PMFBP1: variants seen among roughly 807,000 people sequenced by gnomAD.
The protein encoded by PMFBP1 is polyamine-modulated factor 1-binding protein 1.
In PMFBP1, 131 loss-of-function variants were observed where a neutral mutation model predicts 137.8. The observed-to-expected ratio is 0.95, with a 90% CI of 0.82 to 1.10. The LOEUF is 1.10. Ranked by LOEUF, PMFBP1 falls within the 50% of genes least tolerant of loss-of-function variation. The pLI, the probability that PMFBP1 is intolerant of heterozygous loss-of-function variation, is 0.00. For synonymous variants in PMFBP1, 490 were observed against 450.4 expected, an observed-to-expected ratio of 1.09 and a Z score of -1.11; for missense variants, 1,199 against 1,175.4, an observed-to-expected ratio of 1.02 and a Z score of -0.29.
intron 3 of PMFBP1, among the ~76,000 whole-genome samples, chr16:72,163,947 A>G (rs1207064138): frequency 2.0e-5 from 3 of 152,124 alleles, no homozygotes; most frequent in East Asian, 3.9e-4. Flanking sequence ...TGAGGGATAA[A>G]AGACTACAAA....
rs751500094 is a variant in PMFBP1 at position 72,139,327 on chromosome 16, G to A, written c.880C>T (p.Pro294Ser). The change falls in exon 7 of 21, where the codon CCT (proline) becomes TCT (serine). Residue 294 changes from proline to serine, a missense_variant. By Grantham distance (74) the Pro-to-Ser change is moderately conservative. Transcript: ENST00000237353. Reference sequence around the variant, plus strand: ...TCACACTCTTCTGAGGAGCTAGGAGGGTATCTGTGGGTGGCTGTACAGGAA... The same window carrying A: ...TCACACTCTTCTGAGGAGCTAGGAGAGTATCTGTGGGTGGCTGTACAGGAA... ...FASCTATHRY[P>S]PSSSEECEDI... is the part of the protein sequence containing the mutation. The A allele has an allele frequency of 1.2e-6, 2 of 1,613,976 alleles. No individual in the cohort carries two copies. The highest frequency in any genetic ancestry group is 1.3e-5 in the African/African-American group (1 of 74,922).
At chr16:72,232,104 T>G in the PMFBP1 span, among the ~76,000 whole-genome samples, 1 of 152,180 alleles carries the variant, frequency 6.6e-6, no homozygotes, top group Non-Finnish European at 1.5e-5. Context: ...AAGCCCTCAT[T>G]AGAGAATATA....
the PMFBP1 span, among the ~76,000 whole-genome samples, chr16:72,235,254 C>T: frequency 6.6e-6 from 1 of 152,026 alleles, no homozygotes; most frequent in African/African-American, 2.4e-5. Context: ...GTTTTTCCAG[C>T]CCCATTTGTT....
chr16:72,123,622 G>T lies in PMFBP1; in HGVS notation c.2617C>A (p.Pro873Thr). ...CGGTAGAGCCTACAGGTGTCTTTGG[G>T]CACAGACCACTGGGGCAGGCAGCAG... ...EPCCLPQWSV[P>T]KDTCRLYRGN... Residue 873 changes from proline (P) to threonine (T), a missense_variant, in exon 18 of 21, where the codon CCC (proline) becomes ACC (threonine). Physicochemically the swap from Pro to Thr is conservative, Grantham distance 38. Transcript: ENST00000237353. 6.2e-7 allele frequency: 1 copy of T among 1,613,978 alleles called. No individual in the cohort carries two copies. Among genetic ancestry groups the T allele is most frequent in the Non-Finnish European group, 8.5e-7 (1 of 1,179,894 alleles).
At chr16:72,234,487 T>C in the PMFBP1 span, among the ~76,000 whole-genome samples, 2 of 152,146 alleles carry the variant, frequency 1.3e-5, no homozygotes, top group Non-Finnish European at 2.9e-5. Context: ...ACATGTGATG[T>C]ACACAGCACG....
chr16:72,217,824 G>A, the PMFBP1 span, among the ~76,000 whole-genome samples: 1 of 151,614 alleles, frequency 6.6e-6, no homozygotes, highest in Non-Finnish European at 1.5e-5. Flanking sequence ...GGCAACAAGA[G>A]TGAAAGTTTG....
At chr16:72,125,511 G>A in intron 15 of PMFBP1, 106 bp from the exon 16 acceptor site, 2 of 1,305,594 alleles carry the variant, frequency 1.5e-6, no homozygotes, top group Non-Finnish European at 2.1e-6. Context: ...TCTGCCCAGG[G>A]TGACACGGAC....
At chr16:72,199,794 C>T in the PMFBP1 span, among the ~76,000 whole-genome samples, 1 of 151,798 alleles carries the variant, frequency 6.6e-6, no homozygotes, top group Non-Finnish European at 1.5e-5. Flanking sequence ...AAATCACTTA[C>T]TCAGCTAGTT....
At chr16:72,127,765 T>G (rs1269457945) in intron 14 of PMFBP1, among the ~76,000 whole-genome samples, 1 of 152,240 alleles carries the variant, frequency 6.6e-6, no homozygotes, top group Non-Finnish European at 1.5e-5. Flanking sequence ...ATTCCTCACT[T>G]TCTCTCACAT....
chr16:72,135,391 T>G lies in PMFBP1; in HGVS notation c.1203+1057A>C, dbSNP rs372241308. Among the ~76,000 whole-genome samples the G allele has an allele frequency of 4.2e-3, 631 of 151,200 alleles. 2 individuals are homozygous for G. Among genetic ancestry groups the G allele is most frequent in the African/African-American group, 0.011 (466 of 41,220 alleles). ...TTTTTTTTTTTTTGTTGTTGTTGTT[T>G]TTTTAAGTAGAGACGGGGTTTCACC... On this transcript the variant is annotated intron_variant, in intron 9 of 20. Transcript: ENST00000237353.
In PMFBP1 at chr16:72,150,761, C is replaced by G; in HGVS notation, c.483G>C (p.Gln161His). The part of the protein sequence containing the change: ...ENTGEKLHLA[Q>H]EQLALAGDKI... ...TGTCCCCGGCCAAGGCGAGTTGCTC[C>G]TGCGCCAAATGGAGCTTCTCCCCTG... is the stretch of plus-strand genomic sequence containing the variant. The change falls in exon 5 of 21, where the codon CAG (glutamine) becomes CAC (histidine). Residue 161 changes from glutamine to histidine, a missense_variant. By Grantham distance (24) the Gln-to-His change is conservative. Coordinates refer to ENST00000237353, the MANE Select transcript of PMFBP1 (RefSeq NM_031293.3). 1 of 1,614,212 alleles carries G rather than the reference C, an allele frequency of 6.2e-7. No homozygotes were observed. Among genetic ancestry groups the G allele is most frequent in the Non-Finnish European group, 8.5e-7 (1 of 1,180,034 alleles).
chr16:72,212,492 A>G, the PMFBP1 span, among the ~76,000 whole-genome samples: 2 of 152,034 alleles, frequency 1.3e-5, no homozygotes, highest in Admixed American at 6.6e-5. Flanking sequence ...GGAAAAAAAA[A>G]AAAAAAAGGA....
chr16:72,123,571 A>T lies in PMFBP1; in HGVS notation c.2668T>A (p.Leu890Met), dbSNP rs1191137850. The change falls in exon 18 of 21, where the codon TTG becomes ATG. Residue 890 changes from leucine to methionine, a missense_variant. Coordinates refer to ENST00000237353, the MANE Select transcript of PMFBP1 (RefSeq NM_031293.3). ...TTCTGCTGTTTTGCCCATTGCTCCA[A>T]GTTGGTCATAATCTGATCATTCCCT... ...YRGNDQIMTN[L>M]EQWAKQQKVA... is the part of the protein sequence containing the mutation. The T allele has an allele frequency of 3.1e-6, 5 of 1,613,918 alleles. No homozygotes were observed. Among genetic ancestry groups the T allele is most frequent in the Non-Finnish European group, 4.2e-6 (5 of 1,179,954 alleles).
At chr16:72,214,133 T>C in the PMFBP1 span, among the ~76,000 whole-genome samples, 1 of 152,122 alleles carries the variant, frequency 6.6e-6, no homozygotes, top group Non-Finnish European at 1.5e-5. Context: ...GTGGTTGCCC[T>C]TGCAGAGCAG....
chr16:72,229,322 G>A, the PMFBP1 span, among the ~76,000 whole-genome samples: 1 of 152,150 alleles, frequency 6.6e-6, no homozygotes. Flanking sequence ...ACATAAGTGT[G>A]CATGTGTCTT....
At chr16:72,157,853 T>C (rs546723804) in intron 3 of PMFBP1, among the ~76,000 whole-genome samples, 2 of 152,158 alleles carry the variant, frequency 1.3e-5, no homozygotes, top group South Asian at 2.1e-4. Context: ...GGAGAAGTGG[T>C]TGGGTTCTAG....
At position 72,120,038 on chromosome 16, in the gene PMFBP1, C is replaced by T; in HGVS notation, c.2820G>A (p.Lys940=). ...VHLQQENKKL[K]KEIEEKKMKA... is the part of the protein sequence containing the mutation. ...TCATCTTCTTCTCTTCTATCTCCTTCTTCAGCTTCTTGTTTTCCTGCTGCA... is the reference window on the plus strand; with the variant it reads ...TCATCTTCTTCTCTTCTATCTCCTTTTTCAGCTTCTTGTTTTCCTGCTGCA... Residue 940 remains lysine (K), a synonymous_variant, in exon 20 of 21, where the codon AAG becomes AAA. Coordinates refer to ENST00000237353, the MANE Select transcript of PMFBP1 (RefSeq NM_031293.3). 6.2e-7 allele frequency: 1 copy of T among 1,614,180 alleles called. No homozygotes were observed. Among genetic ancestry groups the T allele is most frequent in the Non-Finnish European group, 8.5e-7 (1 of 1,180,030 alleles).
intron 12 of PMFBP1, among the ~76,000 whole-genome samples, chr16:72,130,008 T>C (rs554396300): frequency 2.7e-5 from 4 of 150,236 alleles, no homozygotes; most frequent in Non-Finnish European, 5.9e-5. Flanking sequence ...CATTATGCCC[T>C]GATAATGTTT....
At chr16:72,155,233 C>T (rs2042963916) in intron 3 of PMFBP1, among the ~76,000 whole-genome samples, 2 of 152,172 alleles carry the variant, frequency 1.3e-5, no homozygotes, top group African/African-American at 4.8e-5. Context: ...TATTTTCCAG[C>T]ATCCCTTATG....
Sources: gnomAD v4.1 joint callset for allele counts (sites outside exome capture counted in the v4.1 genomes callset) on GRCh38, gnomAD v4.1.1 for gene constraint, MANE v1.5 for transcripts, NCBI Gene and HGNC (gene_info 2026-07-23, HGNC 2026-07-21) for gene names.